Variants in CNTNAP4 observed in about 807,000 individuals in gnomAD.
CNTNAP4 encodes the protein contactin associated protein family member 4.
CNTNAP4 carries 98 observed loss-of-function variants against 148.4 expected under a neutral mutation model. The observed-to-expected ratio is 0.66, with a 90% CI of 0.56 to 0.78. CNTNAP4 has a LOEUF of 0.78. CNTNAP4 is among the 30% of genes least tolerant of loss of function. CNTNAP4 has a pLI of 0.00. For missense variants in CNTNAP4, 1,935 were observed against 1,565.6 expected (o/e 1.24, Z -3.98); for synonymous variants, 730 against 565.1 (o/e 1.29, Z -4.14).
intron 21 of CNTNAP4, among the ~76,000 whole-genome samples, chr16:76,543,126 G>C (rs745366860): frequency 4.6e-5 from 7 of 152,134 alleles, no homozygotes; most frequent in Non-Finnish European, 7.4e-5. Context: ...ATGCTGAAAA[G>C]TGAAAGTCCA....
chr16:76,536,992 C>T (rs952197510), intron 18 of CNTNAP4, among the ~76,000 whole-genome samples: 1 of 152,110 alleles, frequency 6.6e-6, no homozygotes, highest in East Asian at 1.9e-4. Context: ...AAAAAGATGG[C>T]CAAATGCTCT....
intron 2 of CNTNAP4, among the ~76,000 whole-genome samples, chr16:76,345,754 G>T (rs1213323047): frequency 6.6e-6 from 1 of 152,220 alleles, no homozygotes; most frequent in Non-Finnish European, 1.5e-5. Flanking sequence ...ACTGGCAAGA[G>T]GCTGGATGAA....
chr16:76,516,776 A>G (rs1026178653), intron 15 of CNTNAP4, among the ~76,000 whole-genome samples: 1 of 152,150 alleles, frequency 6.6e-6, no homozygotes, highest in Non-Finnish European at 1.5e-5. Flanking sequence ...TCAAAGAGTA[A>G]TTCTGGGCCA....
intron 3 of CNTNAP4, among the ~76,000 whole-genome samples, chr16:76,370,932 C>G (rs1280845520): frequency 6.6e-6 from 1 of 151,432 alleles, no homozygotes; most frequent in Non-Finnish European, 1.5e-5. Context: ...ATTTAGCGCT[C>G]TTCTGTCCTG....
rs1029678985 is a variant in CNTNAP4 at position 76,471,749 on chromosome 16, C to T, written c.1656-4190C>T. 2.6e-5 allele frequency among the ~76,000 whole-genome samples: 4 copies of T among 152,142 alleles called. No homozygotes were observed. The East Asian group carries it at 7.7e-4, about 29-fold the overall frequency. On this transcript the variant is annotated intron_variant, in intron 10 of 23. Transcript: ENST00000611870. The stretch of plus-strand genomic sequence containing the variant: ...GAAGATCGTGGTGTTATTCCGCCTC[C>T]TGTAATACTGAAGGCATGGCCCTTT...
chr16:76,453,362 T>C (rs748314734), intron 8 of CNTNAP4, among the ~76,000 whole-genome samples: 2 of 152,224 alleles, frequency 1.3e-5, no homozygotes, highest in Non-Finnish European at 2.9e-5. Context: ...CGGTATTGTT[T>C]TAATGATTAG....
chr16:76,494,791 A>T, intron 13 of CNTNAP4, 119 bp from the exon 14 acceptor site: 1 of 1,099,048 alleles, frequency 9.1e-7, no homozygotes, highest in Non-Finnish European at 1.3e-6. Flanking sequence ...AAATCCAATC[A>T]ATCTTTCTCC....
intron 3 of CNTNAP4, among the ~76,000 whole-genome samples, chr16:76,401,133 C>A (rs148511606): frequency 6.6e-6 from 1 of 152,050 alleles, no homozygotes; most frequent in African/African-American, 2.4e-5. Context: ...TTGGGCAGTA[C>A]GGCCATTTTA....
intron 15 of CNTNAP4, among the ~76,000 whole-genome samples, chr16:76,511,225 A>T (rs561583153): frequency 5.5e-4 from 84 of 152,238 alleles, no homozygotes; most frequent in African/African-American, 1.9e-3. Flanking sequence ...TTGAAATTTT[A>T]TGTTTAATCA....
At chr16:76,394,599 G>A (rs1405742242) in intron 3 of CNTNAP4, among the ~76,000 whole-genome samples, 2 of 151,616 alleles carry the variant, frequency 1.3e-5, no homozygotes, top group East Asian at 1.9e-4. Context: ...ATTCTATAAC[G>A]TATTTAAGTG....
rs557332239 is a variant in CNTNAP4, at chr16:76,429,129, A to G, written c.538+1530A>G. Among the ~76,000 whole-genome samples, 10 of 152,320 alleles carry G rather than the reference A, an allele frequency of 6.6e-5. No individual in the cohort carries two copies. In the South Asian group the frequency reaches 1.5e-3, roughly 22 times the overall value. ...ATTGCAGGCTTTCGTGGCTTCAACA[A>G]TCCAGCTTAGCTACACCATGTTAGT... On this transcript the variant is annotated intron_variant, in intron 4 of 23. Coordinates refer to ENST00000611870, the MANE Select transcript of CNTNAP4 (RefSeq NM_033401.5).
chr16:76,369,118 A>T (rs2014501666), intron 3 of CNTNAP4, among the ~76,000 whole-genome samples: 1 of 152,048 alleles, frequency 6.6e-6, no homozygotes, highest in African/African-American at 2.4e-5. Context: ...AAATATATAA[A>T]AGTATCTTCA....
chr16:76,464,719 T>G (rs2081116342), intron 9 of CNTNAP4, among the ~76,000 whole-genome samples: 1 of 152,172 alleles, frequency 6.6e-6, no homozygotes. Flanking sequence ...GCTGTCATAT[T>G]GGGAGAGTGG....
chr16:76,371,272 G>A (rs1270408478), intron 3 of CNTNAP4, among the ~76,000 whole-genome samples: 3 of 151,960 alleles, frequency 2.0e-5, no homozygotes, highest in African/African-American at 2.4e-5. Context: ...ATACACATCT[G>A]TTTTCGTTTT....
chr16:76,476,871 A>G (rs76070662), intron 11 of CNTNAP4, among the ~76,000 whole-genome samples: 1 of 152,252 alleles, frequency 6.6e-6, no homozygotes, highest in East Asian at 1.9e-4. Context: ...GCGCTAGATA[A>G]TTCTTATGTT....
chr16:76,425,078 G>A (rs1466356697), intron 3 of CNTNAP4, among the ~76,000 whole-genome samples: 1 of 152,162 alleles, frequency 6.6e-6, no homozygotes, highest in Non-Finnish European at 1.5e-5. Context: ...CAGTGGAACA[G>A]AATGGAACCT....
chr16:76,427,399 T>G, intron 3 of CNTNAP4, 53 bp from the exon 4 acceptor site: 1 of 1,513,588 alleles, frequency 6.6e-7, no homozygotes, highest in Non-Finnish European at 9.0e-7. Flanking sequence ...GGTGACAAGC[T>G]GAAATGGATG....
chr16:76,444,905 C>G (rs948572229), intron 4 of CNTNAP4, among the ~76,000 whole-genome samples: 1 of 152,020 alleles, frequency 6.6e-6, no homozygotes, highest in Admixed American at 6.6e-5. Flanking sequence ...ATCTGTGATG[C>G]GACTGTAGCC....
At chr16:76,467,262 C>A in intron 9 of CNTNAP4, 90 bp from the exon 10 acceptor site, 1 of 1,089,056 alleles carries the variant, frequency 9.2e-7, no homozygotes, top group Non-Finnish European at 1.3e-6. Flanking sequence ...TAATCATATG[C>A]CTCTTTCTTT....
Sources: gnomAD v4.1 joint callset for allele counts (sites outside exome capture counted in the v4.1 genomes callset) on GRCh38, gnomAD v4.1.1 for gene constraint, MANE v1.5 for transcripts, NCBI Gene and HGNC (gene_info 2026-07-23, HGNC 2026-07-21) for gene names.